The following SLC1A2 variants were observed in gnomAD, a reference collection of about 807,000 sequenced individuals.
The protein encoded by SLC1A2 is solute carrier family 1 member 2.
Under a neutral mutation model 48.8 loss-of-function variants are expected in SLC1A2, and 15 were observed. The ratio of observed to expected loss-of-function variants is 0.31; its 90% confidence interval spans 0.21 to 0.47. The LOEUF (loss-of-function observed/expected upper bound fraction) is 0.47. SLC1A2 is among the 20% of genes least tolerant of loss of function. The pLI is 0.99. For missense variants in SLC1A2, 502 were observed against 730.5 expected (o/e 0.69, Z 3.61); for synonymous variants, 279 against 272.6 (o/e 1.02, Z -0.23).
chr11:35,281,141 G>C, intron 8 of SLC1A2, 140 bp from the exon 9 acceptor site: 2 of 1,227,350 alleles, frequency 1.6e-6, no homozygotes, highest in African/African-American at 1.5e-5. Context: ...CCAAGGAATA[G>C]AGAAATCTAA....
chr11:35,264,626 G>A (rs1215471163), intron 10 of SLC1A2, among the ~76,000 whole-genome samples: 4 of 152,212 alleles, frequency 2.6e-5, no homozygotes, highest in Non-Finnish European at 4.4e-5. Context: ...CATCCATGCT[G>A]CAGAAAGATG....
rs113261300 is a variant in SLC1A2 at position 35,366,597 on chromosome 11, A to C, written c.18-49081T>G. ...ACAGTGGTAGCTAGCTTGATAACAC[A>C]TGTTCTCCTGACTGCCTTCCTTGTC... On this transcript the variant is annotated intron_variant, in intron 1 of 10. Transcript: ENST00000278379. 2.2e-3 allele frequency among the ~76,000 whole-genome samples: 329 copies of C among 152,272 alleles called. 3 individuals carry two copies. Among genetic ancestry groups the C allele is most frequent in the African/African-American group, 7.3e-3 (305 of 41,564 alleles).
intron 1 of SLC1A2, among the ~76,000 whole-genome samples, chr11:35,397,124 A>G (rs1040957808): frequency 2.7e-5 from 4 of 148,688 alleles, no homozygotes; most frequent in Non-Finnish European, 4.5e-5. Flanking sequence ...TACAGATTCA[A>G]TGCCATCCCC....
chr11:35,293,139 T>C (rs924660151), intron 6 of SLC1A2, among the ~76,000 whole-genome samples: 4 of 152,198 alleles, frequency 2.6e-5, no homozygotes, highest in African/African-American at 9.6e-5. Context: ...TTAAGCACTA[T>C]GGTGAGAGCT....
intron 6 of SLC1A2, among the ~76,000 whole-genome samples, chr11:35,293,276 G>A (rs1450265149): frequency 6.6e-6 from 1 of 152,138 alleles, no homozygotes; most frequent in African/African-American, 2.4e-5. Flanking sequence ...AGGAAACCAG[G>A]AAATGAAAAC....
At chr11:35,286,998 G>C in intron 7 of SLC1A2, 47 bp from the exon 8 acceptor site, 2 of 1,478,102 alleles carry the variant, frequency 1.4e-6, no homozygotes, top group Non-Finnish European at 1.9e-6. Context: ...CCACTTTAGA[G>C]AAGCAGGACA....
At chr11:35,263,930 A>C (rs1043454218) in intron 10 of SLC1A2, 11 of 152,230 alleles carry the variant, frequency 7.2e-5, no homozygotes, top group African/African-American at 9.6e-5. Context: ...ATATACTAGA[A>C]CATAAAGCCA....
rs1046410153 is a variant in SLC1A2 at position 35,278,309 on chromosome 11, C to T, written c.1421+2558G>A. 8.2e-5 allele frequency among the ~76,000 whole-genome samples: 9 copies of T among 109,100 alleles called. 1 individual carries two copies. The highest frequency in any genetic ancestry group is 3.8e-4 in the Admixed American group (3 of 7,988). 71.6% of individuals were successfully genotyped at this position (109,100 alleles called of 152,430 possible). ...TTTTTTTTTTAGATGGAGTTTCACT[C>T]TTGTTGCCCAGGCTGGAGTGCAATG... On this transcript the variant is annotated intron_variant, in intron 9 of 10. Transcript: ENST00000278379.
rs1641280963 is a variant in SLC1A2 at position 35,396,963 on chromosome 11, A to G, written c.17+21987T>C. Among the ~76,000 whole-genome samples, 2 of 151,162 alleles carry G rather than the reference A, an allele frequency of 1.3e-5. 1 individual carries two copies. Among genetic ancestry groups the G allele is most frequent in the Admixed American group, 1.3e-4 (2 of 15,188 alleles). On this transcript the variant is annotated intron_variant, in intron 1 of 10. Transcript: ENST00000278379. ...AGAGAATAAAATACCTAGGAATCCA[A>G]CTTACAAGGGATGTGAAGGACCTCT...
At chr11:35,385,613 G>A (rs191347690) in intron 1 of SLC1A2, among the ~76,000 whole-genome samples, 21 of 152,250 alleles carry the variant, frequency 1.4e-4, no homozygotes, top group South Asian at 4.2e-4. Context: ...GAGCCAGGCC[G>A]GCCATCTGCT....
At chr11:35,349,142 T>A (rs944751921) in intron 1 of SLC1A2, among the ~76,000 whole-genome samples, 4 of 151,952 alleles carry the variant, frequency 2.6e-5, no homozygotes, top group African/African-American at 9.7e-5. Context: ...TGAACAAGAC[T>A]GGAGGCAGGG....
intron 1 of SLC1A2, among the ~76,000 whole-genome samples, chr11:35,337,360 A>T (rs978565554): frequency 6.6e-6 from 1 of 152,168 alleles, no homozygotes; most frequent in African/African-American, 2.4e-5. Flanking sequence ...GTAACTATTC[A>T]TTGTTTTCAA....
intron 1 of SLC1A2, among the ~76,000 whole-genome samples, chr11:35,369,401 A>G (rs1482689224): frequency 6.6e-6 from 1 of 152,208 alleles, no homozygotes; most frequent in Non-Finnish European, 1.5e-5. Context: ...GAATCAGCTT[A>G]CCAAGCTCCA....
intron 2 of SLC1A2, 191 bp downstream of exon 2, chr11:35,317,186 C>T (rs1373126411): frequency 7.1e-6 from 4 of 560,180 alleles, no homozygotes; most frequent in African/African-American, 5.6e-5. Flanking sequence ...TACTAGAATC[C>T]AAAGGAGAAT....
chr11:35,272,475 G>T (rs1184704629), intron 9 of SLC1A2, among the ~76,000 whole-genome samples: 1 of 152,182 alleles, frequency 6.6e-6, no homozygotes, highest in Non-Finnish European at 1.5e-5. Flanking sequence ...CTCTGCATGG[G>T]TCTTCCTTTC....
chr11:35,376,187 T>G (rs1854223170), intron 1 of SLC1A2, among the ~76,000 whole-genome samples: 1 of 138,664 alleles, frequency 7.2e-6, no homozygotes, highest in Non-Finnish European at 1.6e-5. Flanking sequence ...TGAGAGGTAT[T>G]CTATTAAAAA....
chr11:35,351,989 AG>A (rs1023700204), intron 1 of SLC1A2, among the ~76,000 whole-genome samples: 29 of 152,294 alleles, frequency 1.9e-4, no homozygotes, highest in Middle Eastern at 3.4e-3. Flanking sequence ...TGGACACAAA[AG>A]GTTCCTAGTG....
chr11:35,301,291 C>CAT (rs1851347952), intron 6 of SLC1A2, among the ~76,000 whole-genome samples: 2 of 152,232 alleles, frequency 1.3e-5, no homozygotes, highest in South Asian at 4.2e-4. Context: ...ACTCGCTGGC[C>CAT]ATATAAAAGA....
intron 6 of SLC1A2, chr11:35,298,052 G>T (rs991294586): frequency 1.3e-5 from 2 of 152,162 alleles, no homozygotes; most frequent in Non-Finnish European, 2.9e-5. Context: ...TATCACTTCC[G>T]TACAGCTCCA....
Sources: allele counts gnomAD v4.1 joint callset (sites outside exome capture counted in the v4.1 genomes callset), GRCh38; gene constraint gnomAD v4.1.1; transcripts MANE v1.5; gene names NCBI Gene and HGNC (gene_info 2026-07-23, HGNC 2026-07-21).